The following TULP1 variants were observed in gnomAD, a reference collection of about 807,000 sequenced individuals.
The protein encoded by TULP1 is TUB like protein 1.
TULP1 carries 50 observed loss-of-function variants against 67.1 expected under a neutral mutation model. That is an observed-to-expected ratio of 0.75 (90% CI 0.59 to 0.94). The LOEUF is 0.94. TULP1 is among the 40% of genes least tolerant of loss of function. The pLI is 0.00. For missense variants in TULP1, 746 were observed against 734.1 expected, an observed-to-expected ratio of 1.02 and a Z score of -0.19; for synonymous variants, 297 against 294.0, an observed-to-expected ratio of 1.01 and a Z score of -0.11.
chr6:35,501,699 C>T (rs1474106549), intron 13 of TULP1, among the ~76,000 whole-genome samples: 1 of 152,120 alleles, frequency 6.6e-6, no homozygotes, highest in Non-Finnish European at 1.5e-5. Context: ...GTAATCCCAG[C>T]TACTCGGGAG....
intron 13 of TULP1, among the ~76,000 whole-genome samples, chr6:35,501,133 C>T (rs888092229): frequency 5.9e-5 from 9 of 152,116 alleles, no homozygotes; most frequent in African/African-American, 1.9e-4. Context: ...GAGCAGAGCA[C>T]GGGACTGACA....
rs1491330718 is a variant in TULP1 at position 35,501,173 on chromosome 6, ACT to A, written c.1324-1023_1324-1022del. Among the ~76,000 whole-genome samples the A allele has an allele frequency of 1.3e-3, 196 of 151,754 alleles. 1 individual carries two copies. Among genetic ancestry groups the A allele is most frequent in the Non-Finnish European group, 2.2e-3 (148 of 67,824 alleles). On this transcript the variant is annotated intron_variant, in intron 13 of 14. Coordinates refer to ENST00000229771, the MANE Select transcript of TULP1 (RefSeq NM_003322.6). Reference sequence around the variant, plus strand: ...TCTCCAGAACATCTCTCCATCTTAAACTCACACACACACACACGCAAAACAAC... The same window carrying A: ...TCTCCAGAACATCTCTCCATCTTAAACACACACACACACACGCAAAACAAC...
Position 35,505,993 on chromosome 6 carries a change from C to T in TULP1, c.999+10G>A. 2 of 1,614,122 alleles carry T rather than the reference C, an allele frequency of 1.2e-6. No homozygotes were observed. Among genetic ancestry groups the T allele is most frequent in the Non-Finnish European group, 1.7e-6 (2 of 1,180,040 alleles). On this transcript the variant is annotated intron_variant, in intron 10 of 14. Transcript: ENST00000229771. ...CCACACTCCCTCCTCTGCTGCCTCTCCCCACCCACCTTCTTCTCCGTGTCC... is the reference window on the plus strand; with the variant it reads ...CCACACTCCCTCCTCTGCTGCCTCTTCCCACCCACCTTCTTCTCCGTGTCC...
At position 35,505,729 on chromosome 6, in the gene TULP1, G is replaced by T. The variant is rs1699642446; in HGVS notation, c.1112+12C>A. On this transcript the variant is annotated intron_variant, in intron 11 of 14. Transcript: ENST00000229771. ...ACCCAAGTCCCCCCAGCCCCAGGAA[G>T]CCCAGCCCCACCTCAGCTTCCCGAT... The T allele has an allele frequency of 6.2e-7, 1 of 1,613,900 alleles. No individual in the cohort carries two copies. The highest frequency in any genetic ancestry group is 1.3e-5 in the African/African-American group (1 of 74,912).
At chr6:35,501,509 G>GAAAAAAAA (rs67875217) in intron 13 of TULP1, among the ~76,000 whole-genome samples, 1 of 88,762 alleles carries the variant, frequency 1.1e-5, no homozygotes. Context: ...CTCGGTCTCA[G>GAAAAAAAA]AAAAAAAAAA....
chr6:35,506,547 G>T (rs550502048), intron 8 of TULP1, among the ~76,000 whole-genome samples: 45 of 152,354 alleles, frequency 3.0e-4, no homozygotes, highest in Non-Finnish European at 5.4e-4. Flanking sequence ...TCTCATCTGA[G>T]AAGTAGGTAT....
chr6:35,510,755 G>C, intron 5 of TULP1, 106 bp downstream of exon 5: 1 of 1,601,930 alleles, frequency 6.2e-7, no homozygotes, highest in Non-Finnish European at 8.5e-7. Flanking sequence ...ACAGCACTGG[G>C]TTCATTTTGA....
rs763782284 is a variant in TULP1 at position 35,498,287 on chromosome 6, C to A, written c.*40G>T. 1.2e-6 allele frequency: 2 copies of A among 1,608,264 alleles called. No homozygotes were observed. Among genetic ancestry groups the A allele is most frequent in the Admixed American group, 1.7e-5 (1 of 59,670 alleles). On this transcript the variant is annotated 3_prime_UTR_variant, in exon 15 of 15. Transcript: ENST00000229771. The surrounding 1 kb of genome is among the most constrained non-coding windows in gnomAD (Gnocchi z 6.7). Reference sequence around the variant, plus strand: ...CCAGCCTCCACTGAATCCTTTCCCCCACGCTGACGGGCTCTGGGGGCGCTG... The same window carrying A: ...CCAGCCTCCACTGAATCCTTTCCCCAACGCTGACGGGCTCTGGGGGCGCTG...
chr6:35,500,613 T>G (rs112853231), intron 13 of TULP1, among the ~76,000 whole-genome samples: 5,164 of 152,222 alleles, frequency 0.034, 121 homozygotes, highest in African/African-American at 0.064. Flanking sequence ...GCCCTTAAGA[T>G]CTTTCTTTCT....
chr6:35,505,885 G>A, intron 10 of TULP1, 32 bp from the exon 11 acceptor site: 1 of 1,614,190 alleles, frequency 6.2e-7, no homozygotes, highest in Non-Finnish European at 8.5e-7. Context: ...TGAGAGGATG[G>A]GAAGAGAAGG....
chr6:35,498,595 C>T lies in TULP1; in HGVS notation c.1496-135G>A, dbSNP rs1581734960. The T allele has an allele frequency of 2.4e-5, 32 of 1,324,754 alleles. 1 individual carries two copies. In the East Asian group the frequency reaches 7.7e-4, roughly 32 times the overall value. The allele number at this position is 1,324,754 out of a possible 1,614,324, so 82.1% of individuals were successfully genotyped here. A position where few individuals can be genotyped will look rare whatever the true frequency, so the allele number is the denominator to read the frequency against. ...ACCCTCAGCCACCATCTCAGTTACTCAACACCCATCCCTTCTTCTATCTCA... is the reference window on the plus strand; with the variant it reads ...ACCCTCAGCCACCATCTCAGTTACTTAACACCCATCCCTTCTTCTATCTCA... On this transcript the variant is annotated intron_variant, in intron 14 of 14. Transcript: ENST00000229771. The surrounding 1 kb of genome is among the most constrained non-coding windows in gnomAD (Gnocchi z 6.7).
intron 4 of TULP1, 65 bp downstream of exon 4, chr6:35,511,583 C>A: frequency 6.4e-7 from 1 of 1,558,126 alleles, no homozygotes; most frequent in African/African-American, 1.4e-5. Context: ...CGTTCCCGTC[C>A]AGCCAGCCCC....
At chr6:35,508,519 C>T (rs1485016931) in intron 8 of TULP1, among the ~76,000 whole-genome samples, 1 of 152,186 alleles carries the variant, frequency 6.6e-6, no homozygotes, top group Non-Finnish European at 1.5e-5. Context: ...GGTGATCTTC[C>T]CACTGGGAGA....
chr6:35,507,978 A>T (rs1389495297), intron 8 of TULP1, among the ~76,000 whole-genome samples: 1 of 151,878 alleles, frequency 6.6e-6, no homozygotes, highest in South Asian at 2.1e-4. Flanking sequence ...CCATGCCCCG[A>T]TAATTTTTGT....
intron 14 of TULP1, among the ~76,000 whole-genome samples, chr6:35,499,633 C>G (rs759157007): frequency 2.6e-5 from 4 of 152,214 alleles, no homozygotes; most frequent in Non-Finnish European, 4.4e-5. Flanking sequence ...CCTCAGCACT[C>G]TCTTTGAACA....
chr6:35,511,108 CCAGAAGG>C, intron 4 of TULP1, 98 bp from the exon 5 acceptor site: 2 of 1,570,802 alleles, frequency 1.3e-6, no homozygotes, highest in Non-Finnish European at 1.7e-6. Context: ...TGCATGGGCA[CCAGAAGG>C]GGAGCCTGCC....
chr6:35,512,529 C>A, intron 2 of TULP1, 110 bp downstream of exon 2: 1 of 1,453,154 alleles, frequency 6.9e-7, no homozygotes, highest in Non-Finnish European at 9.6e-7. Context: ...GACATGCAAC[C>A]CCCAGACCCT....
chr6:35,502,586 C>T (rs1051100087), intron 13 of TULP1, among the ~76,000 whole-genome samples: 10 of 151,836 alleles, frequency 6.6e-5, no homozygotes, highest in Admixed American at 3.9e-4. Context: ...CTCTGCTTCC[C>T]GGGTTCAAGC....
intron 11 of TULP1, among the ~76,000 whole-genome samples, chr6:35,505,313 A>C (rs1437766635): frequency 6.6e-6 from 1 of 152,248 alleles, no homozygotes; most frequent in East Asian, 1.9e-4. Context: ...GGTGAGGATT[A>C]GATGAGATGT....
Sources: gnomAD v4.1 joint callset for allele counts (sites outside exome capture counted in the v4.1 genomes callset) on GRCh38, gnomAD v4.1.1 for gene constraint, Gnocchi (gnomAD v3.1) non-coding constraint, MANE v1.5 for transcripts, NCBI Gene and HGNC (gene_info 2026-07-23, HGNC 2026-07-21) for gene names.